The following DMRT1 variants were observed in gnomAD, a reference collection of about 807,000 sequenced individuals.
DMRT1 encodes the protein doublesex and mab-3 related transcription factor 1.
A neutral mutation model predicts 32.3 loss-of-function variants in DMRT1; 7 were observed. That is an observed-to-expected ratio of 0.22 (90% CI 0.12 to 0.41). The LOEUF (loss-of-function observed/expected upper bound fraction) is 0.41. Among genes scored for constraint, DMRT1 ranks in the 10% least tolerant of loss-of-function variants. The probability of loss-of-function intolerance (pLI) is 1.00; values close to 1 mark genes in which losing one functional copy is unlikely to be tolerated. For synonymous variants in DMRT1, 278 were observed against 206.1 expected (o/e 1.35, Z -2.99); for missense variants, 625 against 500.5 (o/e 1.25, Z -2.37).
At chr9:960,549 T>C (rs1272938506) in intron 4 of DMRT1, among the ~76,000 whole-genome samples, 1 of 152,212 alleles carries the variant, frequency 6.6e-6, no homozygotes, top group Non-Finnish European at 1.5e-5. Context: ...TGTGAGATAT[T>C]TATTACCTTC....
rs530147266 is a variant in DMRT1, at chr9:890,777, C to T, written c.539-3135C>T. Among the ~76,000 whole-genome samples the T allele has an allele frequency of 5.3e-5, 8 of 152,234 alleles. No homozygotes were observed. The South Asian group carries it at 1.7e-3, about 32-fold the overall frequency. ...TCACCCAGGCTGGAGTGCAGTGACG[C>T]GATCTCTGCTCACTGCAACCTCGGC... On this transcript the variant is annotated intron_variant, in intron 2 of 4. Coordinates refer to ENST00000382276, the MANE Select transcript of DMRT1 (RefSeq NM_021951.3).
intron 2 of DMRT1, among the ~76,000 whole-genome samples, chr9:873,462 C>T (rs533395056): frequency 5.9e-5 from 9 of 151,836 alleles, no homozygotes; most frequent in Non-Finnish European, 1.2e-4. Flanking sequence ...CCTGCCACCA[C>T]GCCCAGCTAA....
intron 2 of DMRT1, among the ~76,000 whole-genome samples, chr9:854,515 T>C (rs1350083489): frequency 1.3e-5 from 2 of 152,102 alleles, no homozygotes; most frequent in Admixed American, 6.6e-5. Flanking sequence ...TCTTTGGAGT[T>C]TTCTAATGTT....
intron 4 of DMRT1, among the ~76,000 whole-genome samples, chr9:943,552 G>C (rs1379032710): frequency 6.6e-6 from 1 of 152,240 alleles, no homozygotes; most frequent in African/African-American, 2.4e-5. Flanking sequence ...GTAATACACA[G>C]TTGTCTAACA....
intron 4 of DMRT1, among the ~76,000 whole-genome samples, chr9:924,336 T>A (rs1446328015): frequency 6.6e-6 from 1 of 152,188 alleles, no homozygotes; most frequent in African/African-American, 2.4e-5. Context: ...CCTCCCACAG[T>A]GCTGGGATTA....
chr9:846,033 T>C (rs1041034044), intron 1 of DMRT1, among the ~76,000 whole-genome samples: 1 of 94,926 alleles, frequency 1.1e-5, no homozygotes, highest in African/African-American at 5.2e-5. Flanking sequence ...GTTTTTGCCT[T>C]TTTTTTTTTT....
At chr9:868,872 T>C (rs1432669611) in intron 2 of DMRT1, among the ~76,000 whole-genome samples, 1 of 152,096 alleles carries the variant, frequency 6.6e-6, no homozygotes, top group East Asian at 1.9e-4. Flanking sequence ...TAGCTGGGTA[T>C]GGTGGCACAC....
At chr9:912,795 T>G (rs1818034904) in intron 3 of DMRT1, among the ~76,000 whole-genome samples, 1 of 151,998 alleles carries the variant, frequency 6.6e-6, no homozygotes, top group Non-Finnish European at 1.5e-5. Flanking sequence ...CATATTAGAA[T>G]TAACTGGGAT....
Position 842,018 on chromosome 9 carries a change from G to A in DMRT1, c.180G>A (p.Ala60=), listed in dbSNP as rs1285788291. ...GAGGAGGCGGCTCCGGCTCCGGGGC[G>A]TCGGACCTGGGTGCCGGGAGCAAGA... The part of the protein sequence containing the change: ...SSRGGGSGSG[A]SDLGAGSKKS... The change falls in exon 1 of 5, where the codon GCG becomes GCA. Residue 60 remains alanine (A), a synonymous_variant. Coordinates refer to ENST00000382276, the MANE Select transcript of DMRT1 (RefSeq NM_021951.3). 1 of 1,550,638 alleles carries A rather than the reference G, an allele frequency of 6.4e-7. No homozygotes were observed. Among genetic ancestry groups the A allele is most frequent in the Non-Finnish European group, 8.7e-7 (1 of 1,150,184 alleles).
chr9:846,711 G>A (rs1019505044), intron 1 of DMRT1, among the ~76,000 whole-genome samples: 1 of 152,208 alleles, frequency 6.6e-6, no homozygotes, highest in Non-Finnish European at 1.5e-5. Flanking sequence ...CTCTTGAGTA[G>A]CTGGGATTCC....
chr9:934,002 T>G (rs2129873758), intron 4 of DMRT1, among the ~76,000 whole-genome samples: 1 of 148,280 alleles, frequency 6.7e-6, no homozygotes, highest in South Asian at 2.1e-4. Context: ...TCCTTGGACC[T>G]AACCTGTGAT....
rs35980858 is a variant in DMRT1 at position 844,719 on chromosome 9, CTTTT to C, written c.355-2226_355-2223del. Among the ~76,000 whole-genome samples, 165 of 116,888 alleles carry C rather than the reference CTTTT, an allele frequency of 1.4e-3. 1 individual carries two copies. In the South Asian group the frequency reaches 0.044, roughly 31 times the overall value. 76.7% of individuals were successfully genotyped at this position (116,888 alleles called of 152,430 possible). A position where few individuals can be genotyped will look rare whatever the true frequency, so the allele number is the denominator to read the frequency against. Reference sequence around the variant, plus strand: ...TGTAGTTGTTTTTCTTTCTTTCTTTCTTTTTTTTTTTTTTTTTTGAGACAGGAGT... The same window carrying C: ...TGTAGTTGTTTTTCTTTCTTTCTTTCTTTTTTTTTTTTTTGAGACAGGAGT... On this transcript the variant is annotated intron_variant, in intron 1 of 4. Transcript: ENST00000382276.
intron 2 of DMRT1, among the ~76,000 whole-genome samples, chr9:849,825 C>CTT: frequency 1.4e-5 from 1 of 73,356 alleles, no homozygotes; most frequent in South Asian, 4.0e-4. Context: ...CTCTCTCTCT[C>CTT]TCTCTTTTTT....
At chr9:920,489 T>G (rs1468850312) in intron 4 of DMRT1, among the ~76,000 whole-genome samples, 1 of 152,180 alleles carries the variant, frequency 6.6e-6, no homozygotes, top group African/African-American at 2.4e-5. Flanking sequence ...AAATGATCAG[T>G]GACCTTCTGA....
At chr9:948,103 C>G (rs1037396738) in intron 4 of DMRT1, among the ~76,000 whole-genome samples, 1 of 152,136 alleles carries the variant, frequency 6.6e-6, no homozygotes, top group Non-Finnish European at 1.5e-5. Context: ...TGAAAACACA[C>G]CTGTATGGAT....
chr9:851,954 T>G (rs1815157459), intron 2 of DMRT1, among the ~76,000 whole-genome samples: 1 of 151,876 alleles, frequency 6.6e-6, no homozygotes, highest in South Asian at 2.1e-4. Context: ...TTTGTTTTTT[T>G]TTTTTGAGAC....
At chr9:927,216 C>T (rs888644148) in intron 4 of DMRT1, among the ~76,000 whole-genome samples, 4 of 152,354 alleles carry the variant, frequency 2.6e-5, no homozygotes, top group East Asian at 1.9e-4. Context: ...GTCCTTCTTT[C>T]GGCCGGCCGC....
intron 2 of DMRT1, among the ~76,000 whole-genome samples, chr9:852,311 G>A (rs1815179439): frequency 6.7e-6 from 1 of 150,084 alleles, no homozygotes; most frequent in Non-Finnish European, 1.5e-5. Flanking sequence ...AAAGATAAAT[G>A]ATTTTGACTC....
chr9:914,435 A>G (rs184291865), intron 3 of DMRT1, among the ~76,000 whole-genome samples: 3,429 of 151,854 alleles, frequency 0.023, 54 homozygotes, highest in Non-Finnish European at 0.033. Context: ...TTAGCCAGGC[A>G]TGGTGGCGGG....
Sources: gnomAD v4.1 joint callset for allele counts (sites outside exome capture counted in the v4.1 genomes callset) on GRCh38, gnomAD v4.1.1 for gene constraint, MANE v1.5 for transcripts, NCBI Gene and HGNC (gene_info 2026-07-23, HGNC 2026-07-21) for gene names.